The following GRID2 variants were observed in gnomAD, a reference collection of about 807,000 sequenced individuals.
GRID2 encodes glutamate ionotropic receptor delta type subunit 2, also known as glutamate receptor ionotropic, delta-2.
Under a neutral mutation model 114.8 loss-of-function variants are expected in GRID2, and 33 were observed. The observed-to-expected ratio is 0.29, with a 90% confidence interval of 0.22 to 0.38. GRID2 has a LOEUF of 0.38. Ranked by LOEUF, GRID2 falls within the 10% of genes least tolerant of loss-of-function variation. GRID2 has a pLI of 1.00. For synonymous variants in GRID2, 505 were observed against 449.9 expected (o/e 1.12, Z -1.55); for missense variants, 1,184 against 1,257.7 (o/e 0.94, Z 0.89).
chr4:93,793,754 G>A (rs970764835), intron 1 of GRID2, among the ~76,000 whole-genome samples: 4 of 152,124 alleles, frequency 2.6e-5, no homozygotes, highest in Admixed American at 2.0e-4. Flanking sequence ...ACAATGAGGG[G>A]AAGCTAAGCC....
chr4:92,422,583 C>G (rs1367903073), intron 1 of GRID2, among the ~76,000 whole-genome samples: 1 of 151,854 alleles, frequency 6.6e-6, no homozygotes, highest in Non-Finnish European at 1.5e-5. Flanking sequence ...TGAAGCTGTC[C>G]TCTTGTGTTG....
At chr4:93,110,636 T>C (rs1732675331) in intron 3 of GRID2, 112 bp from the exon 4 acceptor site, 3 of 732,752 alleles carry the variant, frequency 4.1e-6, no homozygotes, top group Non-Finnish European at 7.2e-6. Flanking sequence ...TTGGTAATTT[T>C]AGACAGCCTA....
Position 93,276,407 on chromosome 4 carries a change from A to G in GRID2, c.1245+37917A>G, listed in dbSNP as rs117662510. Among the ~76,000 whole-genome samples the G allele has an allele frequency of 3.0e-3, 460 of 152,076 alleles. 5 individuals carry two copies. The East Asian group carries it at 0.035, about 12-fold the overall frequency. On this transcript the variant is annotated intron_variant, in intron 8 of 15. Coordinates refer to ENST00000282020, the MANE Select transcript of GRID2 (RefSeq NM_001510.4). ...GAGTCCTCCAGTTTTGCTCTTTTTC[A>G]GGATCATGTTGACTCTTCTGAGTCT...
chr4:92,553,068 G>A (rs1302842786), intron 1 of GRID2, among the ~76,000 whole-genome samples: 1 of 152,142 alleles, frequency 6.6e-6, no homozygotes, highest in Non-Finnish European at 1.5e-5. Context: ...TATAGGATGA[G>A]TCATTCTTCT....
At chr4:93,207,312 T>G in intron 4 of GRID2, 92 bp from the exon 5 acceptor site, 1 of 860,842 alleles carries the variant, frequency 1.2e-6, no homozygotes, top group East Asian at 2.4e-5. Flanking sequence ...AACATACGAT[T>G]CATTTTTTGT....
intron 1 of GRID2, among the ~76,000 whole-genome samples, chr4:92,524,997 G>A (rs562328992): frequency 1.3e-5 from 2 of 151,988 alleles, no homozygotes; most frequent in South Asian, 4.2e-4. Context: ...GGAAGAATAG[G>A]AATACAGATG....
intron 2 of GRID2, among the ~76,000 whole-genome samples, chr4:92,844,437 G>A (rs1177245441): frequency 6.6e-6 from 1 of 152,006 alleles, no homozygotes; most frequent in African/African-American, 2.4e-5. Flanking sequence ...TACTCAGGAG[G>A]CTGAGGCAGG....
At chr4:92,706,972 C>A (rs1579883654) in intron 2 of GRID2, among the ~76,000 whole-genome samples, 1 of 152,106 alleles carries the variant, frequency 6.6e-6, no homozygotes, top group African/African-American at 2.4e-5. Flanking sequence ...ATAGCCATCA[C>A]ATTCATGGTG....
At chr4:93,114,009 A>G (rs575331340) in intron 4 of GRID2, among the ~76,000 whole-genome samples, 19 of 152,268 alleles carry the variant, frequency 1.2e-4, no homozygotes, top group African/African-American at 4.6e-4. Context: ...TATGGTTTAA[A>G]ATTTTTAAAA....
At chr4:92,974,653 G>A (rs1325733090) in intron 2 of GRID2, among the ~76,000 whole-genome samples, 2 of 151,634 alleles carry the variant, frequency 1.3e-5, no homozygotes, top group African/African-American at 4.8e-5. Flanking sequence ...ATGGACACAG[G>A]AAGGGAAACA....
chr4:93,082,270 C>T (rs2149318900), intron 2 of GRID2, among the ~76,000 whole-genome samples: 1 of 152,242 alleles, frequency 6.6e-6, no homozygotes, highest in East Asian at 1.9e-4. Flanking sequence ...TTGAGCTTTC[C>T]CCTATTTAGA....
At chr4:92,968,506 T>C (rs978630463) in intron 2 of GRID2, among the ~76,000 whole-genome samples, 5 of 151,834 alleles carry the variant, frequency 3.3e-5, no homozygotes, top group Non-Finnish European at 7.4e-5. Context: ...GCAGAACACA[T>C]TTATTTACTT....
At chr4:93,245,201 T>A (rs960368524) in intron 8 of GRID2, among the ~76,000 whole-genome samples, 2 of 152,138 alleles carry the variant, frequency 1.3e-5, no homozygotes, top group African/African-American at 2.4e-5. Context: ...GAATGGCATA[T>A]AATAGATGCT....
chr4:93,683,455 C>T (rs747364517), intron 14 of GRID2, among the ~76,000 whole-genome samples: 1 of 151,988 alleles, frequency 6.6e-6, no homozygotes, highest in Non-Finnish European at 1.5e-5. Context: ...CAAAATATTC[C>T]TATACTCTGC....
chr4:92,760,237 CAAAAAAAAAAAA>C (rs982301426), intron 2 of GRID2, among the ~76,000 whole-genome samples: 11 of 38,410 alleles, frequency 2.9e-4, no homozygotes, highest in African/African-American at 4.7e-4. Flanking sequence ...GACTCTGTCT[CAAAAAAAAAAAA>C]AAAAAAAAAA....
At chr4:93,530,316 T>C (rs569080114) in intron 13 of GRID2, among the ~76,000 whole-genome samples, 1 of 152,300 alleles carries the variant, frequency 6.6e-6, no homozygotes, top group South Asian at 2.1e-4. Context: ...AAAGTCTCTA[T>C]AGGTTGGTAT....
intron 2 of GRID2, among the ~76,000 whole-genome samples, chr4:92,814,618 A>G (rs1740798504): frequency 6.6e-6 from 1 of 152,158 alleles, no homozygotes; most frequent in South Asian, 2.1e-4. Flanking sequence ...AAGGGGTGCC[A>G]TCTTCGTAGA....
At chr4:92,518,558 A>G (rs1308559210) in intron 1 of GRID2, among the ~76,000 whole-genome samples, 1 of 151,826 alleles carries the variant, frequency 6.6e-6, no homozygotes, top group Non-Finnish European at 1.5e-5. Context: ...GGAGGAGGAA[A>G]TGGAGGATTA....
chr4:93,675,537 C>A (rs867955437), intron 14 of GRID2, among the ~76,000 whole-genome samples: 6 of 152,106 alleles, frequency 3.9e-5, no homozygotes, highest in African/African-American at 1.4e-4. Context: ...TTTTCACAGC[C>A]ATAGTCTGAA....
Sources: allele counts gnomAD v4.1 joint callset (sites outside exome capture counted in the v4.1 genomes callset), GRCh38; gene constraint gnomAD v4.1.1; transcripts MANE v1.5; gene names NCBI Gene and HGNC (gene_info 2026-07-23, HGNC 2026-07-21).